ZBTB45: variants seen among roughly 807,000 people sequenced by gnomAD.
The protein encoded by ZBTB45 is zinc finger and BTB domain containing 45, also known as zinc finger and BTB domain-containing protein 45.
Under a neutral mutation model 28.4 loss-of-function variants are expected in ZBTB45, and 22 were observed. The observed-to-expected ratio is 0.77, with a 90% CI of 0.55 to 1.10. ZBTB45 has a LOEUF of 1.10. Ranked by LOEUF, ZBTB45 falls within the 50% of genes least tolerant of loss-of-function variation. ZBTB45 has a pLI of 0.00. For missense variants in ZBTB45, 656 were observed against 750.2 expected (o/e 0.87, Z 1.47); for synonymous variants, 361 against 332.3 (o/e 1.09, Z -0.94).
upstream of ZBTB45, among the ~76,000 whole-genome samples, chr19:58,522,152 G>A (rs541518615): frequency 2.0e-4 from 29 of 148,642 alleles, no homozygotes; most frequent in African/African-American, 6.2e-4. Context: ...GTGAAACCCC[G>A]TCTCTACTTT....
At chr19:58,529,161 C>G (rs775157486) in intron 1 of ZBTB45, among the ~76,000 whole-genome samples, 1 of 150,538 alleles carries the variant, frequency 6.6e-6, no homozygotes, top group Non-Finnish European at 1.5e-5. Flanking sequence ...AGGATGGGGT[C>G]GGATGTGGTG....
upstream of ZBTB45, among the ~76,000 whole-genome samples, chr19:58,524,290 G>A (rs530926196): frequency 2.7e-5 from 4 of 150,736 alleles, no homozygotes; most frequent in South Asian, 6.3e-4. Flanking sequence ...CCTTGAACCC[G>A]GGAGGCGGTT....
intron 1 of ZBTB45, among the ~76,000 whole-genome samples, chr19:58,530,317 GT>G (rs899434814): frequency 6.6e-6 from 1 of 150,898 alleles, no homozygotes; most frequent in Admixed American, 6.6e-5. Flanking sequence ...TACTTTTAGT[GT>G]TTTTTTTTGA....
intron 1 of ZBTB45, among the ~76,000 whole-genome samples, chr19:58,530,193 T>C (rs933720973): frequency 1.4e-5 from 2 of 138,770 alleles, no homozygotes; most frequent in Non-Finnish European, 3.1e-5. Context: ...ACAGAGACCT[T>C]GCCATGAGAG....
rs755581221 is a variant in ZBTB45, at chr19:58,514,297, G to A, written c.1293C>T (p.His431=). ...HMFIHSGEKP[H]QCAVCWRSFS... is the part of the protein sequence containing the mutation. ...AGGATCGCCAGCACACGGCGCACTG[G>A]TGCGGCTTCTCCCCTGCGGAAGACA... is the stretch of plus-strand genomic sequence containing the variant. The change falls in exon 3 of 3, where the codon CAC becomes CAT. Residue 431 remains histidine, a synonymous_variant. Transcript: ENST00000594051. The A allele has an allele frequency of 1.2e-6, 2 of 1,603,536 alleles. 1 individual carries two copies. The highest frequency in any genetic ancestry group is 2.2e-5 in the South Asian group (2 of 90,778).
intron 1 of ZBTB45, among the ~76,000 whole-genome samples, chr19:58,536,445 G>A (rs1459341499): frequency 1.9e-4 from 27 of 143,270 alleles, no homozygotes; most frequent in Admixed American, 1.3e-3. Context: ...CAGCCTGGGC[G>A]ACAGAGGGAG....
chr19:58,537,778 CT>C (rs1369763166), intron 1 of ZBTB45, among the ~76,000 whole-genome samples: 2 of 152,104 alleles, frequency 1.3e-5, no homozygotes, highest in Non-Finnish European at 2.9e-5. Context: ...ACACGTCCCC[CT>C]CTCCCGTGAT....
rs374445580 is a variant in ZBTB45, at chr19:58,528,157, C to A, written c.1-10484G>T. On this transcript the variant is annotated intron_variant, in intron 1 of 1. Coordinates refer to the ZBTB45 transcript ENST00000600130. ...TAGCAGAAGCAGGAAGAGAGCTGGCCGGAAGACACATACCCCTGAAGATGG... is the reference window on the plus strand; with the variant it reads ...TAGCAGAAGCAGGAAGAGAGCTGGCAGGAAGACACATACCCCTGAAGATGG... Among the ~76,000 whole-genome samples the A allele has an allele frequency of 1.2e-4, 19 of 152,132 alleles. No individual in the cohort carries two copies. In the South Asian group the frequency reaches 3.9e-3, roughly 32 times the overall value.
chr19:58,529,787 A>G (rs1268482586), intron 1 of ZBTB45, among the ~76,000 whole-genome samples: 2 of 152,116 alleles, frequency 1.3e-5, no homozygotes, highest in African/African-American at 2.4e-5. Flanking sequence ...TGCATATTTT[A>G]CATAAATGGA....
Position 58,516,898 on chromosome 19 carries a change from G to A in ZBTB45, c.776C>T (p.Pro259Leu). The stretch of plus-strand genomic sequence containing the variant: ...ACCACTGTAGTCAGCGAGGCCAGTG[G>A]GTGCAGGGGGCTCCTCGCACGCGCT... ...ADSACEEPPA[P>L]TGLADYSGAG... Residue 259 changes from proline (P) to leucine (L), a missense_variant, in exon 2 of 3, where the codon CCC (proline) becomes CTC (leucine). By Grantham distance (98) the Pro-to-Leu change is moderately conservative. Around this residue, in one of 3 missense-constraint regions of ZBTB45, gnomAD observed 448 missense variants for 444.3 expected, o/e 1.01. Transcript: ENST00000594051. The surrounding 1 kb of genome is among the most constrained non-coding windows in gnomAD (Gnocchi z 6.2). The A allele has an allele frequency of 1.2e-6, 2 of 1,613,346 alleles. No homozygotes were observed. Among genetic ancestry groups the A allele is most frequent in the East Asian group, 2.2e-5 (1 of 44,888 alleles).
intron 1 of ZBTB45, among the ~76,000 whole-genome samples, chr19:58,536,203 C>T (rs955754152): frequency 4.6e-5 from 7 of 151,892 alleles, no homozygotes; most frequent in Non-Finnish European, 7.4e-5. Context: ...TGACGGTGCA[C>T]GCCTGTAATC....
chr19:58,517,443 C>A lies in ZBTB45; in HGVS notation c.231G>T (p.Ala77=). The change falls in exon 2 of 3, where the codon GCG becomes GCT. Residue 77 remains alanine, a synonymous_variant. Transcript: ENST00000594051. The part of the protein sequence containing the change: ...SEIRVPPVVP[A]QTVRQLVEFL... ...ACTCTACCAGCTGTCGCACTGTCTGCGCGGGCACCACCGGAGGCACACGGA... is the reference window on the plus strand; with the variant it reads ...ACTCTACCAGCTGTCGCACTGTCTGAGCGGGCACCACCGGAGGCACACGGA... 6.2e-7 allele frequency: 1 copy of A among 1,612,962 alleles called. No individual in the cohort carries two copies. The highest frequency in any genetic ancestry group is 8.5e-7 in the Non-Finnish European group (1 of 1,179,872).
rs2053451757 is a variant in ZBTB45 at position 58,514,029 on chromosome 19, T to C, written c.*25A>G. On this transcript the variant is annotated 3_prime_UTR_variant, in exon 3 of 3. Coordinates refer to ENST00000594051, the MANE Select transcript of ZBTB45 (RefSeq NM_001316979.2). The stretch of plus-strand genomic sequence containing the variant: ...TGTGCGGGAGGCCCCGGATCCACCG[T>C]GGGCGAGGCCAGGCCCCAGCGCCAT... The C allele has an allele frequency of 7.2e-7, 1 of 1,385,504 alleles. No homozygotes were observed. Among genetic ancestry groups the C allele is most frequent in the Non-Finnish European group, 9.3e-7 (1 of 1,076,170 alleles). The allele number at this position is 1,385,504 out of a possible 1,614,324, so 85.8% of individuals were successfully genotyped here.
intron 1 of ZBTB45, chr19:58,519,182 C>A (rs1464120550): frequency 6.6e-6 from 1 of 152,374 alleles, no homozygotes; most frequent in Non-Finnish European, 1.5e-5. Flanking sequence ...TCTGAGCCTT[C>A]TGTGCAATGC....
chr19:58,534,536 C>T (rs1410977614), intron 1 of ZBTB45, among the ~76,000 whole-genome samples: 1 of 149,786 alleles, frequency 6.7e-6, no homozygotes, highest in Non-Finnish European at 1.5e-5. Flanking sequence ...AATATAGGCA[C>T]GTGCCACCAC....
chr19:58,530,057 G>T (rs563853649), intron 1 of ZBTB45, among the ~76,000 whole-genome samples: 25 of 152,136 alleles, frequency 1.6e-4, no homozygotes, highest in African/African-American at 5.3e-4. Context: ...ACAAAAATTA[G>T]CCAAGCATGA....
Position 58,517,328 on chromosome 19 carries a change from C to T in ZBTB45, c.346G>A (p.Asp116Asn), listed in dbSNP as rs1477427210. 11 of 1,610,418 alleles carry T rather than the reference C, an allele frequency of 6.8e-6. No individual in the cohort carries two copies. The highest frequency in any genetic ancestry group is 2.2e-5 in the East Asian group (1 of 44,856). Residue 116 changes from aspartate (D) to asparagine (N), a missense_variant, in exon 2 of 3, where the codon GAC becomes AAC. Asp to Asn is a conservative substitution (Grantham distance 23, BLOSUM62 1). This residue lies in a region of ZBTB45 where 448 missense variants were observed against 444.3 expected (regional missense o/e 1.01). Coordinates refer to ENST00000594051, the MANE Select transcript of ZBTB45 (RefSeq NM_001316979.2). ...CGGGCGATAATCTGCGTGCATTCGTCGATAACTGTCTGTATGCGAAGCACT... is the reference window on the plus strand; with the variant it reads ...CGGGCGATAATCTGCGTGCATTCGTTGATAACTGTCTGTATGCGAAGCACT... Reference protein sequence around the residue: ...ASVLRIQTVIDECTQIIARAR... With the variant: ...ASVLRIQTVINECTQIIARAR...
chr19:58,532,695 T>C (rs1372101340), intron 1 of ZBTB45, among the ~76,000 whole-genome samples: 1 of 151,850 alleles, frequency 6.6e-6, no homozygotes, highest in Non-Finnish European at 1.5e-5. Flanking sequence ...TACAGGTGTG[T>C]GCCACCATGC....
chr19:58,514,383 C>A (rs1263022161), intron 2 of ZBTB45, 73 bp from the exon 3 acceptor site: 3 of 1,321,170 alleles, frequency 2.3e-6, no homozygotes, highest in Non-Finnish European at 2.9e-6. Flanking sequence ...ACCCCACCCC[C>A]ACCTGGGCTC....
Sources: gnomAD v4.1 joint callset for allele counts (sites outside exome capture counted in the v4.1 genomes callset) on GRCh38, gnomAD v4.1.1 for gene constraint, gnomAD v4.1.1 regional missense constraint, Gnocchi (gnomAD v3.1) non-coding constraint, MANE v1.5 for transcripts, NCBI Gene and HGNC (gene_info 2026-07-23, HGNC 2026-07-21) for gene names.